The following TNFSF4 variants were observed in gnomAD, a reference collection of about 807,000 sequenced individuals.
TNFSF4 encodes the protein TNF superfamily member 4, also known as tumor necrosis factor ligand superfamily member 4.
TNFSF4 carries 4 observed loss-of-function variants against 7.3 expected under a neutral mutation model. That is an observed-to-expected ratio of 0.55 (90% CI 0.27 to 1.25). The LOEUF is 1.25. TNFSF4 is among the 50% of genes most tolerant of loss of function. TNFSF4 has a pLI of 0.12. For missense variants in TNFSF4, 181 were observed against 208.8 expected, an observed-to-expected ratio of 0.87 and a Z score of 0.82; for synonymous variants, 76 against 83.7, an observed-to-expected ratio of 0.91 and a Z score of 0.50.
At chr1:173,363,007 C>A in the TNFSF4 span, 158 of 384,328 alleles carry the variant, frequency 4.1e-4, 1 homozygote, top group South Asian at 3.5e-3. Flanking sequence ...AAAATGCGGA[C>A]TTGCCTTATC....
chr1:173,436,552 G>A, the TNFSF4 span, among the ~76,000 whole-genome samples: 1 of 152,138 alleles, frequency 6.6e-6, no homozygotes, highest in African/African-American at 2.4e-5. Context: ...TGGGATTACA[G>A]GCACCTGCCA....
chr1:173,270,863 A>T, the TNFSF4 span, among the ~76,000 whole-genome samples: 1 of 152,174 alleles, frequency 6.6e-6, no homozygotes, highest in African/African-American at 2.4e-5. Context: ...AATGCAGTAG[A>T]ACCAAATTTT....
the TNFSF4 span, among the ~76,000 whole-genome samples, chr1:173,230,179 G>A: frequency 6.6e-6 from 1 of 152,160 alleles, no homozygotes; most frequent in Non-Finnish European, 1.5e-5. Context: ...CCACGTAGTT[G>A]GAAGTAAAGC....
At chr1:173,352,349 G>A in the TNFSF4 span, among the ~76,000 whole-genome samples, 1 of 152,174 alleles carries the variant, frequency 6.6e-6, no homozygotes, top group African/African-American at 2.4e-5. Context: ...AGTGGATCGG[G>A]GGAACCAGCC....
chr1:173,205,137 T>A (rs543989350), intron 1 of TNFSF4, among the ~76,000 whole-genome samples: 1 of 152,176 alleles, frequency 6.6e-6, no homozygotes, highest in African/African-American at 2.4e-5. Flanking sequence ...AATAAAAAAA[T>A]TATAATTAAC....
chr1:173,349,153 C>T, the TNFSF4 span, among the ~76,000 whole-genome samples: 49 of 152,092 alleles, frequency 3.2e-4, 1 homozygote, highest in Non-Finnish European at 5.7e-4. Context: ...CTCAGCCTCC[C>T]GAGTAGCTGG....
chr1:173,220,218 AG>A, the TNFSF4 span, among the ~76,000 whole-genome samples: 1 of 152,150 alleles, frequency 6.6e-6, no homozygotes, highest in Non-Finnish European at 1.5e-5. Context: ...TGCTACTCTG[AG>A]CCCCCAGATA....
chr1:173,273,326 C>T, the TNFSF4 span, among the ~76,000 whole-genome samples: 4 of 152,036 alleles, frequency 2.6e-5, no homozygotes, highest in Non-Finnish European at 5.9e-5. Flanking sequence ...GCTCCTGATA[C>T]GGACTTTCTT....
the TNFSF4 span, among the ~76,000 whole-genome samples, chr1:173,265,826 G>C: frequency 2.6e-5 from 4 of 152,078 alleles, no homozygotes; most frequent in African/African-American, 9.7e-5. Context: ...ATTTGCGTTA[G>C]TGGTAATAGC....
the TNFSF4 span, among the ~76,000 whole-genome samples, chr1:173,216,296 C>G: frequency 2.0e-5 from 3 of 152,148 alleles, no homozygotes; most frequent in African/African-American, 7.2e-5. Context: ...GCCCAGGGAT[C>G]TTTACACCAT....
At chr1:173,308,770 C>T in the TNFSF4 span, among the ~76,000 whole-genome samples, 1 of 151,956 alleles carries the variant, frequency 6.6e-6, no homozygotes, top group Non-Finnish European at 1.5e-5. Flanking sequence ...TGAAGGCTAG[C>T]CCATTCATAT....
the TNFSF4 span, among the ~76,000 whole-genome samples, chr1:173,396,173 T>A: frequency 2.0e-5 from 3 of 152,158 alleles, no homozygotes; most frequent in African/African-American, 7.2e-5. Flanking sequence ...AGTTTTCTCA[T>A]TTATACAGTC....
chr1:173,260,967 C>T, the TNFSF4 span, among the ~76,000 whole-genome samples: 3 of 152,158 alleles, frequency 2.0e-5, no homozygotes, highest in African/African-American at 4.8e-5. Context: ...AGGGCTTGAA[C>T]TCAGCTCTGA....
At chr1:173,369,057 G>A in the TNFSF4 span, among the ~76,000 whole-genome samples, 2 of 152,238 alleles carry the variant, frequency 1.3e-5, no homozygotes, top group South Asian at 2.1e-4. Context: ...AGACTAGCAG[G>A]CCTAAAAAAG....
At chr1:173,333,135 T>A in the TNFSF4 span, among the ~76,000 whole-genome samples, 1 of 152,156 alleles carries the variant, frequency 6.6e-6, no homozygotes. Flanking sequence ...GAAGGGTGGC[T>A]AGGATAGGTG....
At chr1:173,343,698 C>T in the TNFSF4 span, among the ~76,000 whole-genome samples, 1 of 152,172 alleles carries the variant, frequency 6.6e-6, no homozygotes, top group Non-Finnish European at 1.5e-5. Flanking sequence ...GGAACTTACA[C>T]ACTGTATTCT....
chr1:173,436,003 TA>T, the TNFSF4 span, among the ~76,000 whole-genome samples: 11 of 152,240 alleles, frequency 7.2e-5, no homozygotes, highest in Admixed American at 7.2e-4. Flanking sequence ...AGCTACTTGA[TA>T]AATATTTCCC....
the TNFSF4 span, among the ~76,000 whole-genome samples, chr1:173,250,737 G>A: frequency 2.6e-5 from 4 of 152,302 alleles, no homozygotes; most frequent in Admixed American, 6.5e-5. Flanking sequence ...GGGATTACAG[G>A]CGTGAGCCAC....
chr1:173,359,215 T>C, the TNFSF4 span, among the ~76,000 whole-genome samples: 1 of 152,110 alleles, frequency 6.6e-6, no homozygotes, highest in South Asian at 2.1e-4. Context: ...TTCTAACTCA[T>C]TTGAATGTCC....
Sources: allele counts gnomAD v4.1 joint callset (sites outside exome capture counted in the v4.1 genomes callset), GRCh38; gene constraint gnomAD v4.1.1; transcripts MANE v1.5; gene names NCBI Gene and HGNC (gene_info 2026-07-23, HGNC 2026-07-21).